The following DST variants were observed in gnomAD, a reference collection of about 807,000 sequenced individuals.
DST encodes dystonin, also known as bullous pemphigoid antigen.
In DST, 253 loss-of-function variants were observed where a neutral mutation model predicts 875.2. That is an observed-to-expected ratio of 0.29 (90% CI 0.26 to 0.32). DST has a LOEUF of 0.32. Among genes scored for constraint, DST ranks in the 10% least tolerant of loss-of-function variants. DST has a pLI of 1.00. For synonymous variants in DST, 3,124 were observed against 3,197.1 expected (o/e 0.98, Z 0.77); for missense variants, 8,287 against 9,111.6 (o/e 0.91, Z 3.68).
chr6:56,942,545 C>T (rs1189771003), intron 2 of DST, among the ~76,000 whole-genome samples: 1 of 151,734 alleles, frequency 6.6e-6, no homozygotes, highest in Non-Finnish European at 1.5e-5. Context: ...AGTTAATATG[C>T]CACTTCACAT....
At position 56,630,255 on chromosome 6, in the gene DST, C is replaced by T. The variant is rs1433914667; in HGVS notation, c.4271G>A (p.Ser1424Asn). The T allele has an allele frequency of 1.9e-6, 3 of 1,592,558 alleles. No homozygotes were observed. The highest frequency in any genetic ancestry group is 2.6e-6 in the Non-Finnish European group (3 of 1,162,642). Residue 1424 changes from serine (S) to asparagine (N), a missense_variant, in exon 31 of 104, where the codon AGT becomes AAT. Coordinates refer to ENST00000680361, the MANE Select transcript of DST (RefSeq NM_001374736.1). ...ADKNNIENLISTLKQWRSEVD... is the reference protein window; with the variant it reads ...ADKNNIENLINTLKQWRSEVD... Reference sequence around the variant, plus strand: ...AAGTGAGTCTCATACCTTTAAAGTACTTATTAGATTCTCAATATTATTCTT... The same window carrying T: ...AAGTGAGTCTCATACCTTTAAAGTATTTATTAGATTCTCAATATTATTCTT...
Position 56,640,235 on chromosome 6 carries a change from G to A in DST, c.2398C>T (p.Leu800=). ...TTTTGATCCAGCAAAGAAGACTTTA[G>A]AAGGGGTTTTCGGATCTGCATCAAC... is the stretch of plus-strand genomic sequence containing the variant. ...LKLMQIRKPL[L]KSSLLDQNLT... The change falls in exon 18 of 104, where the codon CTA becomes TTA. Residue 800 remains leucine, a synonymous_variant. Coordinates refer to ENST00000680361, the MANE Select transcript of DST (RefSeq NM_001374736.1). 6.2e-7 allele frequency: 1 copy of A among 1,614,162 alleles called. No homozygotes were observed. The highest frequency in any genetic ancestry group is 8.5e-7 in the Non-Finnish European group (1 of 1,180,020).
intron 10 of DST, among the ~76,000 whole-genome samples, chr6:56,657,155 T>C (rs1228410129): frequency 6.6e-6 from 1 of 152,126 alleles, no homozygotes. Flanking sequence ...CATTTTGTAT[T>C]GGGGAAAAAA....
At chr6:56,462,294 T>C (rs1311797609) in intron 102 of DST, among the ~76,000 whole-genome samples, 4 of 152,220 alleles carry the variant, frequency 2.6e-5, no homozygotes, top group Non-Finnish European at 5.9e-5. Flanking sequence ...TTCAATTGAA[T>C]GTAAATGACC....
chr6:56,481,007 T>C (rs2095382738), intron 90 of DST, among the ~76,000 whole-genome samples: 1 of 152,240 alleles, frequency 6.6e-6, no homozygotes, highest in Non-Finnish European at 1.5e-5. Context: ...CTTCTTCTTA[T>C]ATTCTAGCTT....
chr6:56,851,961 G>T (rs1765508210), intron 3 of DST: 5 of 1,481,832 alleles, frequency 3.4e-6, no homozygotes, highest in Admixed American at 2.5e-5. Context: ...TATAGTATTT[G>T]GCTCCCCCAC....
chr6:56,712,838 A>G, intron 5 of DST, among the ~76,000 whole-genome samples: 1 of 152,194 alleles, frequency 6.6e-6, no homozygotes, highest in East Asian at 1.9e-4. Context: ...AATTCACACT[A>G]GTTCAAAAAA....
At chr6:56,931,108 T>G (rs1471289653) in intron 2 of DST, among the ~76,000 whole-genome samples, 1 of 152,160 alleles carries the variant, frequency 6.6e-6, no homozygotes. Flanking sequence ...CATTCCTCAG[T>G]AAAGAAATGG....
chr6:56,919,904 C>T (rs1803191662), intron 2 of DST, among the ~76,000 whole-genome samples: 1 of 152,052 alleles, frequency 6.6e-6, no homozygotes, highest in South Asian at 2.1e-4. Flanking sequence ...GAGAGCCCAC[C>T]ATTGCACTCC....
At chr6:56,840,961 G>A (rs2099799264) in intron 4 of DST, among the ~76,000 whole-genome samples, 1 of 152,000 alleles carries the variant, frequency 6.6e-6, no homozygotes. Context: ...TGTAACCAAG[G>A]AACTCTGTCA....
intron 3 of DST, among the ~76,000 whole-genome samples, chr6:56,879,197 G>A (rs949819570): frequency 2.0e-5 from 3 of 152,280 alleles, no homozygotes; most frequent in Non-Finnish European, 2.9e-5. Context: ...GGCCAGGCGC[G>A]GTGGCTCATG....
chr6:56,935,299 C>A (rs892871617), intron 2 of DST, among the ~76,000 whole-genome samples: 1 of 152,206 alleles, frequency 6.6e-6, no homozygotes, highest in Non-Finnish European at 1.5e-5. Context: ...TGCCCCACAA[C>A]CGTTTTTAAA....
At chr6:56,703,218 T>C (rs144398999) in intron 7 of DST, among the ~76,000 whole-genome samples, 2 of 152,230 alleles carry the variant, frequency 1.3e-5, no homozygotes, top group African/African-American at 4.8e-5. Context: ...GAAACTTAAA[T>C]ACTAAAAAAA....
Position 56,482,187 on chromosome 6 carries a change from T to TCACACACACACA in DST, c.21403-21_21403-10dup. ...GAGTGGAATTCCTCTGCCTAAGAGT[T>TCACACACACACA]CACACACACACACACCCCAAACAAA... On this transcript the variant is annotated splice_polypyrimidine_tract_variant and intron_variant, in intron 89 of 103. Transcript: ENST00000680361. The TCACACACACACA allele has an allele frequency of 1.9e-5, 30 of 1,590,672 alleles. No individual in the cohort carries two copies. The highest frequency in any genetic ancestry group is 2.2e-5 in the Non-Finnish European group (26 of 1,161,420).
chr6:56,776,541 G>A (rs1484920915), intron 4 of DST, among the ~76,000 whole-genome samples: 1 of 152,108 alleles, frequency 6.6e-6, no homozygotes, highest in East Asian at 1.9e-4. Flanking sequence ...TAATATTTTT[G>A]CAACTTTTCT....
intron 2 of DST, among the ~76,000 whole-genome samples, chr6:56,903,795 T>C (rs1009975271): frequency 2.6e-5 from 4 of 152,166 alleles, no homozygotes; most frequent in South Asian, 2.1e-4. Flanking sequence ...TTTCCTAAAC[T>C]TCAGGCATCT....
chr6:56,466,361 G>A (rs1050303175), intron 98 of DST, 166 bp from the exon 99 acceptor site: 7 of 425,802 alleles, frequency 1.6e-5, no homozygotes, highest in Admixed American at 1.2e-4. Context: ...TGTGTTAGAC[G>A]GCTGCATGCT....
chr6:56,580,144 T>C (rs752017495), intron 49 of DST, among the ~76,000 whole-genome samples: 1 of 152,172 alleles, frequency 6.6e-6, no homozygotes, highest in Non-Finnish European at 1.5e-5. Flanking sequence ...TTAAATTAAT[T>C]GAAATTTTAA....
At chr6:56,878,089 C>A (rs1156672291) in intron 3 of DST, among the ~76,000 whole-genome samples, 2 of 152,198 alleles carry the variant, frequency 1.3e-5, no homozygotes, top group South Asian at 2.1e-4. Context: ...CTGTGCTAAA[C>A]CATCTGTGAC....
Sources: gnomAD v4.1 joint callset for allele counts (sites outside exome capture counted in the v4.1 genomes callset) on GRCh38, gnomAD v4.1.1 for gene constraint, MANE v1.5 for transcripts, NCBI Gene and HGNC (gene_info 2026-07-23, HGNC 2026-07-21) for gene names.